Variants in ACSS2 observed in about 807,000 individuals in gnomAD.
ACSS2 encodes the protein acetyl-coenzyme A synthetase, cytoplasmic.
Under a neutral mutation model 90.6 loss-of-function variants are expected in ACSS2, and 58 were observed. That is an observed-to-expected ratio of 0.64 (90% confidence interval 0.52 to 0.80). The LOEUF (loss-of-function observed/expected upper bound fraction) is 0.80. Among genes scored for constraint, ACSS2 ranks in the 30% least tolerant of loss-of-function variants. The pLI is 0.00. For missense variants in ACSS2, 759 were observed against 912.0 expected, an observed-to-expected ratio of 0.83 and a Z score of 2.16; for synonymous variants, 300 against 330.9, an observed-to-expected ratio of 0.91 and a Z score of 1.01.
intron 8 of ACSS2, 57 bp from the exon 9 acceptor site, chr20:34,920,482 T>C: frequency 6.5e-7 from 1 of 1,549,638 alleles, no homozygotes. Context: ...CAGCCTCCAT[T>C]TGGTGGTCAG....
chr20:34,916,378 C>T (rs770460016), intron 7 of ACSS2, among the ~76,000 whole-genome samples: 5 of 152,324 alleles, frequency 3.3e-5, no homozygotes, highest in South Asian at 2.1e-4. Flanking sequence ...CCTATGTTAT[C>T]GGGTTTTGTC....
At chr20:34,916,328 C>T (rs1235648387) in intron 7 of ACSS2, among the ~76,000 whole-genome samples, 1 of 152,182 alleles carries the variant, frequency 6.6e-6, no homozygotes, top group African/African-American at 2.4e-5. Context: ...TAAGCTCTCT[C>T]GCTTGTTTCT....
At chr20:34,888,907 A>G (rs373909164) in intron 2 of ACSS2, among the ~76,000 whole-genome samples, 3 of 152,074 alleles carry the variant, frequency 2.0e-5, no homozygotes, top group African/African-American at 7.2e-5. Flanking sequence ...AAGAGAGAGT[A>G]GTATTGACAC....
chr20:34,881,136 C>G (rs969211487), intron 1 of ACSS2, among the ~76,000 whole-genome samples: 1 of 149,864 alleles, frequency 6.7e-6, no homozygotes, highest in African/African-American at 2.5e-5. Flanking sequence ...AGGCGATTCT[C>G]CTGCCTCACG....
intron 16 of ACSS2, 46 bp downstream of exon 16, chr20:34,926,327 C>A: frequency 6.3e-7 from 1 of 1,580,150 alleles, no homozygotes; most frequent in Non-Finnish European, 8.6e-7. Context: ...GTCTTGGAGG[C>A]CCAGTTATCA....
At chr20:34,922,018 G>T in intron 13 of ACSS2, 152 bp downstream of exon 13, 1 of 1,430,112 alleles carries the variant, frequency 7.0e-7, no homozygotes, top group Admixed American at 2.9e-5. Flanking sequence ...GACCCTGGAG[G>T]GGACCCTCGA....
At chr20:34,875,263 T>C (rs2079882471), upstream of ACSS2, 5 of 490,280 alleles carry the variant, frequency 1.0e-5, no homozygotes, top group South Asian at 7.4e-5. Flanking sequence ...AGTAAAGAGA[T>C]TGTGAAGGAA....
At chr20:34,888,749 G>T (rs950825636) in intron 2 of ACSS2, among the ~76,000 whole-genome samples, 4 of 152,160 alleles carry the variant, frequency 2.6e-5, no homozygotes, top group Non-Finnish European at 4.4e-5. Context: ...TTTGAGCAGA[G>T]ATCTGAAGGA....
At chr20:34,885,263 G>A (rs941369109) in intron 2 of ACSS2, among the ~76,000 whole-genome samples, 2 of 152,164 alleles carry the variant, frequency 1.3e-5, no homozygotes, top group Non-Finnish European at 1.5e-5. Context: ...GATCATAAAA[G>A]GAAATGCTTG....
chr20:34,879,069 TA>T (rs543802995), intron 1 of ACSS2, among the ~76,000 whole-genome samples: 2,146 of 151,738 alleles, frequency 0.014, 43 homozygotes, highest in African/African-American at 0.049. Context: ...CACGCCCGGC[TA>T]ATTTTTTGTA....
chr20:34,919,566 A>G lies in ACSS2; in HGVS notation c.966A>G (p.Lys322=). The change falls in exon 8 of 18, where the codon AAA becomes AAG. Residue 322 remains lysine (K), a synonymous_variant. Transcript: ENST00000360596. ...TGTACACCAGTGGCTCCACAGGCAA[A>G]CCCAAGGCAAGTGTGTGTGTGTGTG... The part of the protein sequence containing the change: ...FILYTSGSTG[K]PKGVVHTVGG... 1 of 1,603,994 alleles carries G rather than the reference A, an allele frequency of 6.2e-7. No homozygotes were observed. Among genetic ancestry groups the G allele is most frequent in the Non-Finnish European group, 8.5e-7 (1 of 1,178,332 alleles).
At chr20:34,907,191 C>T (rs892171947) in intron 2 of ACSS2, among the ~76,000 whole-genome samples, 1 of 151,380 alleles carries the variant, frequency 6.6e-6, no homozygotes, top group Non-Finnish European at 1.5e-5. Context: ...AATCTCAGCT[C>T]ACTGCAACCT....
intron 2 of ACSS2, among the ~76,000 whole-genome samples, chr20:34,899,321 A>G (rs2080567273): frequency 6.6e-6 from 1 of 152,242 alleles, no homozygotes; most frequent in African/African-American, 2.4e-5. Context: ...GGAGGCGCCG[A>G]GAGCGAGCAA....
At chr20:34,884,514 ATTG>A (rs1170354529) in intron 2 of ACSS2, among the ~76,000 whole-genome samples, 1 of 152,174 alleles carries the variant, frequency 6.6e-6, no homozygotes, top group Non-Finnish European at 1.5e-5. Context: ...TTCTCTCTAG[ATTG>A]TTGTAAGAAT....
chr20:34,902,891 A>ATTTT (rs34171408), intron 2 of ACSS2, among the ~76,000 whole-genome samples: 7 of 115,266 alleles, frequency 6.1e-5, no homozygotes, highest in African/African-American at 1.7e-4. Context: ...ACACCTGGCT[A>ATTTT]TTTTTTTTTT....
At chr20:34,912,837 T>G (rs2080992021) in intron 2 of ACSS2, among the ~76,000 whole-genome samples, 1 of 152,208 alleles carries the variant, frequency 6.6e-6, no homozygotes, top group South Asian at 2.1e-4. Context: ...GGGCCGTCAC[T>G]CCATTTCATC....
chr20:34,890,181 A>G (rs957871866), intron 2 of ACSS2, among the ~76,000 whole-genome samples: 1 of 149,394 alleles, frequency 6.7e-6, no homozygotes, highest in Non-Finnish European at 1.5e-5. Flanking sequence ...TAGATGGTGG[A>G]GAGACAGGGA....
intron 2 of ACSS2, among the ~76,000 whole-genome samples, chr20:34,893,197 T>G (rs2080377880): frequency 6.6e-6 from 1 of 152,056 alleles, no homozygotes; most frequent in Non-Finnish European, 1.5e-5. Context: ...CTCTTTCTCC[T>G]TTCATTTCCT....
At chr20:34,920,496 G>T (rs538347094) in intron 8 of ACSS2, 43 bp from the exon 9 acceptor site, 2 of 1,591,522 alleles carry the variant, frequency 1.3e-6, no homozygotes, top group African/African-American at 1.3e-5. Context: ...TGGTCAGTAG[G>T]GGTGGGCATA....
Sources: allele counts gnomAD v4.1 joint callset (sites outside exome capture counted in the v4.1 genomes callset), GRCh38; gene constraint gnomAD v4.1.1; transcripts MANE v1.5; gene names NCBI Gene and HGNC (gene_info 2026-07-23, HGNC 2026-07-21).